The following SLAIN2 variants were observed in gnomAD, a reference collection of about 807,000 sequenced individuals.
SLAIN2 encodes the protein SLAIN motif-containing protein 2.
SLAIN2 carries 31 observed loss-of-function variants against 56.6 expected under a neutral mutation model. The observed-to-expected ratio is 0.55, with a 90% CI of 0.41 to 0.74. SLAIN2 has a LOEUF of 0.74. Ranked by LOEUF, SLAIN2 falls within the 30% of genes least tolerant of loss-of-function variation. SLAIN2 has a pLI of 0.00. For missense variants in SLAIN2, 777 were observed against 754.2 expected (o/e 1.03, Z -0.35); for synonymous variants, 317 against 284.9 (o/e 1.11, Z -1.13).
chr4:48,420,058 T>C, intron 6 of SLAIN2, 67 bp from the exon 7 acceptor site: 1 of 1,496,330 alleles, frequency 6.7e-7, no homozygotes, highest in Non-Finnish European at 9.2e-7. Context: ...TCAGTTGTAA[T>C]TTAAAGCAAT....
intron 7 of SLAIN2, among the ~76,000 whole-genome samples, chr4:48,421,157 A>G (rs1300857493): frequency 3.3e-5 from 5 of 152,132 alleles, no homozygotes; most frequent in Admixed American, 3.3e-4. Context: ...CTGGGACTAC[A>G]GGCGCACACC....
intron 1 of SLAIN2, among the ~76,000 whole-genome samples, chr4:48,346,340 C>A (rs1487015117): frequency 6.6e-6 from 1 of 152,078 alleles, no homozygotes; most frequent in Non-Finnish European, 1.5e-5. Flanking sequence ...TCTTTTCCAT[C>A]ATTTGGAGTG....
At chr4:48,413,227 CAAAAA>C (rs10572522) in intron 6 of SLAIN2, among the ~76,000 whole-genome samples, 1 of 144,866 alleles carries the variant, frequency 6.9e-6, no homozygotes, top group African/African-American at 2.6e-5. Context: ...GACTCTGCCT[CAAAAA>C]AAAAAAAAAA....
rs137972252 is a variant in SLAIN2 at position 48,360,402 on chromosome 4, C to G, written c.390-9447C>G. ...AGGTCAGGAGTTTGAGACCAGCCTG[C>G]CAACTTGGGAAAACCTGGTCTCTAC... On this transcript the variant is annotated intron_variant, in intron 1 of 7. Transcript: ENST00000264313. Among the ~76,000 whole-genome samples the G allele has an allele frequency of 7.6e-3, 1,162 of 151,938 alleles. 6 individuals carry two copies. Among genetic ancestry groups the G allele is most frequent in the Middle Eastern group, 0.055 (16 of 292 alleles).
chr4:48,410,026 A>G (rs1472371050), intron 6 of SLAIN2, among the ~76,000 whole-genome samples: 1 of 152,192 alleles, frequency 6.6e-6, no homozygotes, highest in Non-Finnish European at 1.5e-5. Context: ...AGGATCTGCT[A>G]AACTGTTTTC....
At chr4:48,396,990 TTG>T (rs1398736077) in intron 6 of SLAIN2, among the ~76,000 whole-genome samples, 1 of 152,228 alleles carries the variant, frequency 6.6e-6, no homozygotes, top group Admixed American at 6.5e-5. Context: ...TGCAAGTTTT[TTG>T]TGTTTCTTCA....
In SLAIN2 at chr4:48,341,715, AGGCGGCGGCGGCGGCGGG is replaced by A. The variant is rs2109725830; in HGVS notation, c.-23_-6del. 3 of 1,521,700 alleles carry A rather than the reference AGGCGGCGGCGGCGGCGGG, an allele frequency of 2.0e-6. No homozygotes were observed. The highest frequency in any genetic ancestry group is 1.4e-5 in the African/African-American group (1 of 70,112). The allele number at this position is 1,521,700 out of a possible 1,614,324, so 94.3% of individuals were successfully genotyped here. A position where few individuals can be genotyped will look rare whatever the true frequency, so the allele number is the denominator to read the frequency against. On this transcript the variant is annotated 5_prime_UTR_variant, in exon 1 of 8. Transcript: ENST00000264313. ...CGCTGCGAGAGCGAGCGGGCGGCGGAGGCGGCGGCGGCGGCGGGGCCGGGATGGAGGACGTTAACTCCA... is the reference window on the plus strand; with the variant it reads ...CGCTGCGAGAGCGAGCGGGCGGCGGAGCCGGGATGGAGGACGTTAACTCCA...
Position 48,402,246 on chromosome 4 carries a change from T to C in SLAIN2, c.1361-17879T>C, listed in dbSNP as rs150020371. 6.4e-4 allele frequency among the ~76,000 whole-genome samples: 98 copies of C among 152,036 alleles called. 4 individuals are homozygous for C. The East Asian group carries it at 0.014, about 22-fold the overall frequency. ...TTTCGACCTTGGAGAATCTGATGATTATGTGTCTTTGGGTTGGTCTTCTTG... is the reference window on the plus strand; with the variant it reads ...TTTCGACCTTGGAGAATCTGATGATCATGTGTCTTTGGGTTGGTCTTCTTG... On this transcript the variant is annotated intron_variant, in intron 6 of 7. Transcript: ENST00000264313.
At chr4:48,358,045 A>G (rs569524236) in intron 1 of SLAIN2, among the ~76,000 whole-genome samples, 3 of 152,228 alleles carry the variant, frequency 2.0e-5, no homozygotes, top group Admixed American at 6.5e-5. Context: ...TTTTTTAGCA[A>G]TGCTATTAGG....
intron 1 of SLAIN2, among the ~76,000 whole-genome samples, chr4:48,360,988 AAT>A (rs1715312762): frequency 6.6e-6 from 1 of 152,192 alleles, no homozygotes; most frequent in Non-Finnish European, 1.5e-5. Flanking sequence ...CAACTCAAAA[AAT>A]TCAAACAGGA....
At chr4:48,380,589 T>A (rs1715944922) in intron 4 of SLAIN2, among the ~76,000 whole-genome samples, 1 of 152,186 alleles carries the variant, frequency 6.6e-6, no homozygotes, top group Admixed American at 6.5e-5. Context: ...TTTTTAATAC[T>A]TTTTAAAGGG....
chr4:48,374,542 C>T (rs149354894), intron 2 of SLAIN2, among the ~76,000 whole-genome samples: 112 of 152,220 alleles, frequency 7.4e-4, no homozygotes, highest in Non-Finnish European at 1.2e-3. Context: ...AACTGGCACC[C>T]GGCCAATTGT....
At chr4:48,351,697 C>CT (rs1415791278) in intron 1 of SLAIN2, among the ~76,000 whole-genome samples, 1 of 152,246 alleles carries the variant, frequency 6.6e-6, no homozygotes, top group Admixed American at 6.5e-5. Flanking sequence ...ACATTTCTGT[C>CT]TAACGCCATG....
chr4:48,387,764 A>G lies in SLAIN2; in HGVS notation c.1360+3980A>G, dbSNP rs180674375. On this transcript the variant is annotated intron_variant, in intron 6 of 7. Transcript: ENST00000264313. Reference sequence around the variant, plus strand: ...ACATGAAGCAAAAAAAGTGTTACCAATTTATCTTGAAATTTCATATATATT... The same window carrying G: ...ACATGAAGCAAAAAAAGTGTTACCAGTTTATCTTGAAATTTCATATATATT... Among the ~76,000 whole-genome samples the G allele has an allele frequency of 5.5e-3, 835 of 152,170 alleles. 11 individuals carry two copies. The highest frequency in any genetic ancestry group is 4.1e-3 in the Non-Finnish European group (280 of 67,938).
intron 1 of SLAIN2, among the ~76,000 whole-genome samples, chr4:48,368,354 C>A (rs1358157851): frequency 6.6e-6 from 1 of 152,108 alleles, no homozygotes; most frequent in Admixed American, 6.6e-5. Context: ...AGCCACTGCA[C>A]CCGGCCCTGC....
At chr4:48,357,627 G>A (rs976121307) in intron 1 of SLAIN2, among the ~76,000 whole-genome samples, 5 of 152,086 alleles carry the variant, frequency 3.3e-5, no homozygotes, top group South Asian at 2.1e-4. Flanking sequence ...TCGACTCACC[G>A]CAGCCTCCAC....
chr4:48,408,298 G>C (rs1411073248), intron 6 of SLAIN2, among the ~76,000 whole-genome samples: 1 of 151,728 alleles, frequency 6.6e-6, no homozygotes, highest in African/African-American at 2.4e-5. Context: ...ACCACTTCCA[G>C]CTTGGGCAAC....
intron 1 of SLAIN2, among the ~76,000 whole-genome samples, chr4:48,364,903 G>T: frequency 6.8e-6 from 1 of 147,740 alleles, no homozygotes; most frequent in African/African-American, 2.5e-5. Context: ...GGAGGGAGAG[G>T]GAGAGCTGGT....
chr4:48,422,849 C>T lies in SLAIN2; in HGVS notation c.*772C>T, dbSNP rs1193673405. On this transcript the variant is annotated 3_prime_UTR_variant, in exon 8 of 8. Coordinates refer to ENST00000264313, the MANE Select transcript of SLAIN2 (RefSeq NM_020846.2). The stretch of plus-strand genomic sequence containing the variant: ...ATATCAGTTGTACAATCTTTCTGAA[C>T]TTTATAGTTCCTGGCTCAGGAAAGA... 2 of 152,190 alleles carry T rather than the reference C, an allele frequency of 1.3e-5. No individual in the cohort carries two copies. The highest frequency in any genetic ancestry group is 4.8e-5 in the African/African-American group (2 of 41,456). The allele number at this position is 152,190 out of a possible 1,614,324, so 9.4% of individuals were successfully genotyped here. A position where few individuals can be genotyped will look rare whatever the true frequency, so the allele number is the denominator to read the frequency against.
Sources: gnomAD v4.1 joint callset for allele counts (sites outside exome capture counted in the v4.1 genomes callset) on GRCh38, gnomAD v4.1.1 for gene constraint, MANE v1.5 for transcripts, NCBI Gene and HGNC (gene_info 2026-07-23, HGNC 2026-07-21) for gene names.